Variants in TTC17 observed in about 807,000 individuals in gnomAD.
The protein encoded by TTC17 is tetratricopeptide repeat protein 17.
TTC17 carries 58 observed loss-of-function variants against 143.8 expected under a neutral mutation model. That is an observed-to-expected ratio of 0.40 (90% confidence interval 0.33 to 0.50). TTC17 has a LOEUF of 0.50. TTC17 is among the 20% of genes least tolerant of loss of function. The pLI is 0.49. For missense variants in TTC17, 1,273 were observed against 1,392.5 expected, an observed-to-expected ratio of 0.91 and a Z score of 1.37; for synonymous variants, 501 against 497.8, an observed-to-expected ratio of 1.01 and a Z score of -0.09.
chr11:43,460,645 A>G (rs1947847956), intron 21 of TTC17, among the ~76,000 whole-genome samples: 1 of 152,198 alleles, frequency 6.6e-6, no homozygotes, highest in Non-Finnish European at 1.5e-5. Flanking sequence ...TTAAGATTCT[A>G]CTGTCTGAAC....
At chr11:43,397,068 T>TA (rs1857624013) in intron 6 of TTC17, 1 of 472,446 alleles carries the variant, frequency 2.1e-6, no homozygotes, top group East Asian at 3.0e-5. Context: ...ATTCACATGA[T>TA]ACTTGAATGG....
At chr11:43,459,019 G>C (rs1007572965) in intron 21 of TTC17, among the ~76,000 whole-genome samples, 4 of 152,088 alleles carry the variant, frequency 2.6e-5, no homozygotes, top group Non-Finnish European at 5.9e-5. Flanking sequence ...CATACACCGG[G>C]GGTCTTGGAA....
intron 16 of TTC17, chr11:43,436,363 C>T (rs1266754005): frequency 1.6e-6 from 2 of 1,243,224 alleles, no homozygotes; most frequent in African/African-American, 3.1e-5. Flanking sequence ...AGCTGTGCTT[C>T]TGGGGAAAAA....
intron 21 of TTC17, among the ~76,000 whole-genome samples, chr11:43,460,228 A>T (rs1202243899): frequency 6.6e-6 from 1 of 152,094 alleles, no homozygotes; most frequent in Non-Finnish European, 1.5e-5. Flanking sequence ...GAAACTGAGC[A>T]GTTCCTTGTT....
chr11:43,400,324 A>G (rs1010336617), intron 9 of TTC17, among the ~76,000 whole-genome samples: 5 of 152,148 alleles, frequency 3.3e-5, no homozygotes, highest in African/African-American at 1.2e-4. Context: ...GTTCAACATC[A>G]GTTTTTTTTC....
chr11:43,474,595 G>A (rs1309277020), intron 21 of TTC17, among the ~76,000 whole-genome samples: 1 of 152,044 alleles, frequency 6.6e-6, no homozygotes, highest in Non-Finnish European at 1.5e-5. Flanking sequence ...CCATACCAAG[G>A]GGAATTATCA....
chr11:43,358,993 G>A lies in TTC17; in HGVS notation c.39G>A (p.Leu13=), dbSNP rs370769243. 45 of 1,582,600 alleles carry A rather than the reference G, an allele frequency of 2.8e-5. No homozygotes were observed. In the African/African-American group the frequency reaches 5.0e-4, roughly 17 times the overall value. ...AAVGVRGRYE[L]PPCSGPGWLL... is the part of the protein sequence containing the mutation. ...TAGGGGTTCGTGGCCGGTACGAGCT[G>A]CCGCCTTGCTCCGGCCCAGGCTGGC... is the stretch of plus-strand genomic sequence containing the variant. The change falls in exon 1 of 24, where the codon CTG becomes CTA. Residue 13 remains leucine, a synonymous_variant. Transcript: ENST00000039989.
chr11:43,452,133 A>T (rs1256606051), intron 21 of TTC17, among the ~76,000 whole-genome samples: 1 of 152,210 alleles, frequency 6.6e-6, no homozygotes, highest in Non-Finnish European at 1.5e-5. Context: ...ACCTGAAGGA[A>T]CTTTCTACAG....
At chr11:43,416,622 T>A (rs1946785442) in intron 16 of TTC17, among the ~76,000 whole-genome samples, 1 of 152,178 alleles carries the variant, frequency 6.6e-6, no homozygotes, top group Non-Finnish European at 1.5e-5. Context: ...TCAGAGAATA[T>A]TATTGGGTCC....
In TTC17 at chr11:43,443,375, G is replaced by A; in HGVS notation, c.2302G>A (p.Glu768Lys). Residue 768 changes from glutamate (E) to lysine (K), a missense_variant, in exon 17 of 24, where the codon GAA becomes AAA. Glu to Lys is a moderately conservative substitution (Grantham distance 56). Transcript: ENST00000039989. ...NGSDEMENSDETKMSEEILAL... is the reference protein window; with the variant it reads ...NGSDEMENSDKTKMSEEILAL... ...TTCTGATGAGATGGAGAATTCAGAT[G>A]AAACCAAAATGTCAGAAGAAATACT... 3 of 1,614,124 alleles carry A rather than the reference G, an allele frequency of 1.9e-6. No homozygotes were observed. The highest frequency in any genetic ancestry group is 2.5e-6 in the Non-Finnish European group (3 of 1,179,996).
At position 43,373,574 on chromosome 11, in the gene TTC17, C is replaced by T. The variant is rs1856653231; in HGVS notation, c.160-5659C>T. On this transcript the variant is annotated intron_variant, in intron 1 of 23. Coordinates refer to ENST00000039989, the MANE Select transcript of TTC17 (RefSeq NM_018259.6). The stretch of plus-strand genomic sequence containing the variant: ...TCCTGACCTCATGATCCACCCGCCT[C>T]AGCTTCCCAAAGTGCTGGGATTACA... Among the ~76,000 whole-genome samples, 3 of 152,146 alleles carry T rather than the reference C, an allele frequency of 2.0e-5. No individual in the cohort carries two copies. The South Asian group carries it at 6.2e-4, about 32-fold the overall frequency.
intron 21 of TTC17, among the ~76,000 whole-genome samples, chr11:43,486,680 G>T (rs1053096944): frequency 2.0e-5 from 3 of 152,090 alleles, no homozygotes; most frequent in African/African-American, 7.2e-5. Flanking sequence ...AATATTCATT[G>T]TATGTTTTAC....
At chr11:43,465,559 C>G (rs924710548) in intron 21 of TTC17, among the ~76,000 whole-genome samples, 1 of 152,066 alleles carries the variant, frequency 6.6e-6, no homozygotes, top group African/African-American at 2.4e-5. Flanking sequence ...CTGAGAATTG[C>G]AATAACTGAA....
chr11:43,434,131 C>T (rs1021964562), intron 16 of TTC17, among the ~76,000 whole-genome samples: 2 of 150,400 alleles, frequency 1.3e-5, no homozygotes, highest in Non-Finnish European at 3.0e-5. Flanking sequence ...ACTACCATTG[C>T]TCATGGCTTC....
intron 16 of TTC17, among the ~76,000 whole-genome samples, chr11:43,423,976 T>A (rs1312417090): frequency 6.6e-6 from 1 of 152,198 alleles, no homozygotes; most frequent in Non-Finnish European, 1.5e-5. Flanking sequence ...TTGAATTACT[T>A]TTAGAGCTAT....
chr11:43,394,398 C>A (rs1177505898), intron 5 of TTC17, among the ~76,000 whole-genome samples: 1 of 152,128 alleles, frequency 6.6e-6, no homozygotes, highest in Non-Finnish European at 1.5e-5. Context: ...TTGAAGGGGC[C>A]ACAACTGGAA....
intron 1 of TTC17, among the ~76,000 whole-genome samples, chr11:43,362,773 A>G (rs1339050780): frequency 2.0e-5 from 3 of 152,048 alleles, no homozygotes; most frequent in Non-Finnish European, 4.4e-5. Flanking sequence ...GTTGCATTTC[A>G]CAATCCCTGC....
intron 11 of TTC17, among the ~76,000 whole-genome samples, chr11:43,404,354 A>G (rs1191457414): frequency 6.6e-6 from 1 of 152,230 alleles, no homozygotes; most frequent in African/African-American, 2.4e-5. Flanking sequence ...CCAGTCAAGT[A>G]GAGCAGATAG....
At chr11:43,456,179 A>AACACACACACAC (rs57261729) in intron 21 of TTC17, among the ~76,000 whole-genome samples, 3 of 146,314 alleles carry the variant, frequency 2.1e-5, no homozygotes, top group East Asian at 2.0e-4. Context: ...TTAGCACAAT[A>AACACACACACAC]ACACACACAC....
Sources: allele counts gnomAD v4.1 joint callset (sites outside exome capture counted in the v4.1 genomes callset), GRCh38; gene constraint gnomAD v4.1.1; transcripts MANE v1.5; gene names NCBI Gene and HGNC (gene_info 2026-07-23, HGNC 2026-07-21).